Variants in MINDY2 observed in about 807,000 individuals in gnomAD.
MINDY2 encodes the protein MINDY lysine 48 deubiquitinase 2.
MINDY2 carries 52 observed loss-of-function variants against 68.2 expected under a neutral mutation model. That is an observed-to-expected ratio of 0.76 (90% CI 0.61 to 0.96). The LOEUF (loss-of-function observed/expected upper bound fraction) is 0.96. Among genes scored for constraint, MINDY2 ranks in the 40% least tolerant of loss-of-function variants. MINDY2 has a pLI of 0.00. For synonymous variants in MINDY2, 372 were observed against 303.0 expected, an observed-to-expected ratio of 1.23 and a Z score of -2.36; for missense variants, 881 against 773.4, an observed-to-expected ratio of 1.14 and a Z score of -1.65.
chr15:58,808,896 G>T (rs1281941039), intron 3 of MINDY2, among the ~76,000 whole-genome samples: 1 of 152,162 alleles, frequency 6.6e-6, no homozygotes, highest in Non-Finnish European at 1.5e-5. Flanking sequence ...GAGCCACCGT[G>T]CCCAGCCACT....
chr15:58,849,982 C>T (rs1300733894), intron 7 of MINDY2, among the ~76,000 whole-genome samples: 3 of 152,276 alleles, frequency 2.0e-5, no homozygotes, highest in South Asian at 2.1e-4. Context: ...AGTGATGTGC[C>T]CGCCTTGGCC....
intron 8 of MINDY2, among the ~76,000 whole-genome samples, chr15:58,852,920 CTGTTTTTTTTTTTTTTTTTT>C (rs2032893127): frequency 1.3e-5 from 1 of 78,066 alleles, no homozygotes; most frequent in African/African-American, 5.1e-5. Context: ...ACTGCTGTTC[CTGTTTTTTTTTTTTTTTTTT>C]TTTTTTTTTT....
chr15:58,843,123 G>C (rs1054058695), intron 6 of MINDY2, among the ~76,000 whole-genome samples: 1 of 152,120 alleles, frequency 6.6e-6, no homozygotes, highest in Non-Finnish European at 1.5e-5. Context: ...CTAAAGTCTA[G>C]AGATGTTAAG....
intron 5 of MINDY2, among the ~76,000 whole-genome samples, chr15:58,830,406 C>G (rs760706342): frequency 1.4e-4 from 21 of 152,122 alleles, no homozygotes; most frequent in Non-Finnish European, 2.6e-4. Context: ...ATCCAAAATG[C>G]TCCAAAATCT....
At chr15:58,796,675 A>G (rs1936031803) in intron 2 of MINDY2, among the ~76,000 whole-genome samples, 1 of 152,150 alleles carries the variant, frequency 6.6e-6, no homozygotes, top group South Asian at 2.1e-4. Context: ...AGGCACCGCC[A>G]CCATGCCCAG....
chr15:58,799,626 C>A lies in MINDY2; in HGVS notation c.899-2687C>A, dbSNP rs1216108782. 3.3e-5 allele frequency among the ~76,000 whole-genome samples: 5 copies of A among 150,512 alleles called. No homozygotes were observed. The East Asian group carries it at 9.7e-4, about 29-fold the overall frequency. On this transcript the variant is annotated intron_variant, in intron 2 of 8. Transcript: ENST00000559228. The stretch of plus-strand genomic sequence containing the variant: ...ACTAGTAGAGGGATTGTAAGAGAAA[C>A]CACTAATTGCTTTCCTAATACCTAG...
chr15:58,791,538 G>A (rs1290328472), intron 2 of MINDY2, among the ~76,000 whole-genome samples: 1 of 150,480 alleles, frequency 6.6e-6, no homozygotes, highest in Non-Finnish European at 1.5e-5. Context: ...GATTGCTTGG[G>A]CCTGGGATCC....
In MINDY2 at chr15:58,771,457, C is replaced by T. The variant is rs745765854; in HGVS notation, c.62C>T (p.Ser21Leu). The T allele has an allele frequency of 1.2e-6, 2 of 1,612,454 alleles. No homozygotes were observed. Among genetic ancestry groups the T allele is most frequent in the African/African-American group, 1.3e-5 (1 of 75,034 alleles). Reference sequence around the variant, plus strand: ...CACGGGGTGGCGGCCGGGCCAGCGTCAGGGACAGGTTCTTCGCAGGAAGGG... The same window carrying T: ...CACGGGGTGGCGGCCGGGCCAGCGTTAGGGACAGGTTCTTCGCAGGAAGGG... ...LEHGVAAGPA[S>L]GTGSSQEGLQ... Residue 21 changes from serine to leucine, a missense_variant, in exon 1 of 9, where the codon TCA (serine) becomes TTA (leucine). By Grantham distance (145) the Ser-to-Leu change is moderately radical. Coordinates refer to ENST00000559228, the MANE Select transcript of MINDY2 (RefSeq NM_001040450.3).
intron 1 of MINDY2, among the ~76,000 whole-genome samples, chr15:58,772,511 C>T (rs1431962102): frequency 6.6e-6 from 1 of 152,190 alleles, no homozygotes; most frequent in Non-Finnish European, 1.5e-5. Flanking sequence ...CTTAGAGCAT[C>T]TTAAATCTTA....
chr15:58,853,789 C>G (rs2032944302), intron 8 of MINDY2, among the ~76,000 whole-genome samples: 1 of 140,512 alleles, frequency 7.1e-6, no homozygotes, highest in African/African-American at 2.7e-5. Context: ...CCACTGCACT[C>G]CAGCCTAACA....
intron 5 of MINDY2, among the ~76,000 whole-genome samples, chr15:58,827,742 G>A (rs2031489130): frequency 6.6e-6 from 1 of 151,692 alleles, no homozygotes; most frequent in East Asian, 2.0e-4. Flanking sequence ...ATGAGCCACC[G>A]TGCCTGGCCT....
chr15:58,833,674 T>TA (rs2031853978), intron 6 of MINDY2, among the ~76,000 whole-genome samples: 1 of 152,126 alleles, frequency 6.6e-6, no homozygotes, highest in Non-Finnish European at 1.5e-5. Context: ...CGCAATGCCT[T>TA]AAGGAGCAGT....
rs1161843385 is a variant in MINDY2, at chr15:58,809,492, G to C, written c.964-738G>C. Among the ~76,000 whole-genome samples the C allele has an allele frequency of 9.2e-5, 14 of 152,050 alleles. 1 individual carries two copies. The highest frequency in any genetic ancestry group is 3.4e-4 in the African/African-American group (14 of 41,396). The stretch of plus-strand genomic sequence containing the variant: ...CATTTGTCAGTTGTAACTAAGAATA[G>C]ATAAAGAATTATGAATAATGTTGCA... On this transcript the variant is annotated intron_variant, in intron 3 of 8. Coordinates refer to ENST00000559228, the MANE Select transcript of MINDY2 (RefSeq NM_001040450.3).
intron 5 of MINDY2, among the ~76,000 whole-genome samples, chr15:58,825,575 CTGTT>C (rs374662199): frequency 2.0e-4 from 30 of 151,770 alleles, no homozygotes; most frequent in African/African-American, 2.9e-4. Flanking sequence ...TCTTTTTTGT[CTGTT>C]TGTTTGTTTG....
At chr15:58,831,416 T>C (rs1279356321) in intron 5 of MINDY2, among the ~76,000 whole-genome samples, 1 of 152,220 alleles carries the variant, frequency 6.6e-6, no homozygotes, top group Non-Finnish European at 1.5e-5. Context: ...CCACCCATTT[T>C]TAAAATTGCC....
chr15:58,836,137 C>G (rs1186736633), intron 6 of MINDY2, among the ~76,000 whole-genome samples: 1 of 152,114 alleles, frequency 6.6e-6, no homozygotes, highest in African/African-American at 2.4e-5. Context: ...GTCTCAATCT[C>G]CTGATCTCGT....
rs1257196278 is a variant in MINDY2 at position 58,771,410 on chromosome 15, C to T, written c.15C>T (p.Pro5=). The change falls in exon 1 of 9, where the codon CCC becomes CCT. Residue 5 remains proline (P), a synonymous_variant. Transcript: ENST00000559228. ...GGCGGCCCGGTATGGAGAGCAGCCC[C>T]GAGAGCCTGCAGCCGCTAGAACACG... The part of the protein sequence containing the change: MESS[P]ESLQPLEHGV... The T allele has an allele frequency of 6.2e-7, 1 of 1,610,094 alleles. No homozygotes were observed.
intron 8 of MINDY2, among the ~76,000 whole-genome samples, chr15:58,853,033 A>G (rs1391084859): frequency 9.2e-5 from 12 of 130,082 alleles, no homozygotes; most frequent in South Asian, 2.5e-4. Context: ...CTCATTGCCA[A>G]CCTCTGCTTC....
chr15:58,841,077 G>C (rs1352060673), intron 6 of MINDY2, among the ~76,000 whole-genome samples: 1 of 151,508 alleles, frequency 6.6e-6, no homozygotes, highest in Admixed American at 6.6e-5. Flanking sequence ...TGCCTCCCGG[G>C]TTCAAGAGAT....
Sources: allele counts gnomAD v4.1 joint callset (sites outside exome capture counted in the v4.1 genomes callset), GRCh38; gene constraint gnomAD v4.1.1; transcripts MANE v1.5; gene names NCBI Gene and HGNC (gene_info 2026-07-23, HGNC 2026-07-21).